DHX29: variants seen among roughly 807,000 people sequenced by gnomAD.
DHX29 encodes ATP-dependent RNA helicase DHX29.
DHX29 carries 79 observed loss-of-function variants against 167.9 expected under a neutral mutation model. The observed-to-expected ratio is 0.47, with a 90% confidence interval of 0.39 to 0.57. The LOEUF (loss-of-function observed/expected upper bound fraction) is 0.57, where lower values mean the gene tolerates loss of function less well. DHX29 is among the 20% of genes least tolerant of loss of function. The pLI is 0.00. For missense variants in DHX29, 1,347 were observed against 1,593.4 expected, an observed-to-expected ratio of 0.85 and a Z score of 2.63; for synonymous variants, 530 against 546.0, an observed-to-expected ratio of 0.97 and a Z score of 0.41.
At chr5:55,287,994 T>C (rs1446118611) in intron 8 of DHX29, among the ~76,000 whole-genome samples, 1 of 149,522 alleles carries the variant, frequency 6.7e-6, no homozygotes, top group Non-Finnish European at 1.5e-5. Flanking sequence ...CTCACGCCTG[T>C]AATCCCCAGA....
intron 1 of DHX29, among the ~76,000 whole-genome samples, chr5:55,306,869 G>C (rs776450549): frequency 6.6e-6 from 1 of 152,176 alleles, no homozygotes; most frequent in East Asian, 1.9e-4. Flanking sequence ...AACGAGGGCA[G>C]ACAATTTTAC....
chr5:55,289,426 T>C lies in DHX29; in HGVS notation c.910A>G (p.Met304Val), dbSNP rs952316586. Residue 304 changes from methionine to valine, a missense_variant and splice_region_variant, in exon 8 of 27, where the codon ATG becomes GTG. By Grantham distance (21) the Met-to-Val change is conservative (BLOSUM62 1). This residue lies in a region of DHX29 where 405 missense variants were observed against 416.8 expected (regional missense o/e 0.97). Transcript: ENST00000251636. ...QEKIRKFQREMETLEDHPVFN... is the reference protein window; with the variant it reads ...QEKIRKFQREVETLEDHPVFN... ...ACTGGATGGTCTTCTAAAGTTTCCATTTCTACCAAGAAAAAAATATAATGT... is the reference window on the plus strand; with the variant it reads ...ACTGGATGGTCTTCTAAAGTTTCCACTTCTACCAAGAAAAAAATATAATGT... The C allele has an allele frequency of 2.0e-6, 3 of 1,526,114 alleles. No homozygotes were observed. In the African/African-American group the frequency reaches 4.3e-5, roughly 22 times the overall value. The allele number at this position is 1,526,114 out of a possible 1,614,324, so 94.5% of individuals were successfully genotyped here. A position where few individuals can be genotyped will look rare whatever the true frequency, so the allele number is the denominator to read the frequency against.
intron 23 of DHX29, among the ~76,000 whole-genome samples, chr5:55,263,379 A>C (rs1746401701): frequency 6.6e-6 from 1 of 152,170 alleles, no homozygotes; most frequent in Non-Finnish European, 1.5e-5. Context: ...CTTTGAAAGA[A>C]TTTATTAATG....
At chr5:55,301,501 G>C (rs1203872487) in intron 1 of DHX29, among the ~76,000 whole-genome samples, 3 of 151,852 alleles carry the variant, frequency 2.0e-5, no homozygotes, top group Non-Finnish European at 4.4e-5. Context: ...ATCACCTGAG[G>C]TCAGGAGTTC....
At chr5:55,307,260 T>G in intron 1 of DHX29, 127 bp downstream of exon 1, 6 of 782,842 alleles carry the variant, frequency 7.7e-6, no homozygotes, top group Non-Finnish European at 1.2e-5. Flanking sequence ...CATGGGGAGG[T>G]AGCAGCTCGA....
At chr5:55,279,830 C>T (rs765008390) in intron 12 of DHX29, among the ~76,000 whole-genome samples, 6 of 151,266 alleles carry the variant, frequency 4.0e-5, no homozygotes, top group Non-Finnish European at 8.8e-5. Context: ...CTTCAGCCTG[C>T]CAAATTGCTG....
chr5:55,256,516 G>A lies in DHX29; in HGVS notation c.4082C>T (p.Thr1361Met), dbSNP rs752689422. The change falls in exon 27 of 27, where the codon ACG (threonine) becomes ATG (methionine). Residue 1361 changes from threonine (T) to methionine (M), a missense_variant. By Grantham distance (81) the Thr-to-Met change is moderately conservative. Around this residue, in one of 3 missense-constraint regions of DHX29, gnomAD observed 882 missense variants for 1,082.4 expected, o/e 0.81. Transcript: ENST00000251636. ...LENDKILQII[T>M]ELIKTENN ...GTTATTCTCTGTTTTTATCAATTCC[G>A]TAATGATCTGCAGAATCTTGTCATC... 68 of 1,590,854 alleles carry A rather than the reference G, an allele frequency of 4.3e-5. No homozygotes were observed. The highest frequency in any genetic ancestry group is 1.4e-4 in the East Asian group (6 of 44,024).
intron 6 of DHX29, among the ~76,000 whole-genome samples, chr5:55,293,443 C>T (rs1748149833): frequency 6.6e-6 from 1 of 152,186 alleles, no homozygotes; most frequent in African/African-American, 2.4e-5. Flanking sequence ...TTCCTCCCAA[C>T]ATTTAGTATT....
intron 12 of DHX29, 60 bp downstream of exon 12, chr5:55,281,311 TA>T: frequency 7.2e-7 from 1 of 1,382,132 alleles, no homozygotes; most frequent in Non-Finnish European, 9.5e-7. Flanking sequence ...GTATTAGGAG[TA>T]ACATCTTTTT....
intron 12 of DHX29, among the ~76,000 whole-genome samples, chr5:55,280,719 G>A (rs889754039): frequency 2.0e-5 from 3 of 152,126 alleles, no homozygotes; most frequent in African/African-American, 7.2e-5. Context: ...AGCACATTCA[G>A]CATTCATCAT....
rs532899408 is a variant in DHX29, at chr5:55,299,909, G to C, written c.188-1245C>G. On this transcript the variant is annotated intron_variant, in intron 1 of 26. Coordinates refer to ENST00000251636, the MANE Select transcript of DHX29 (RefSeq NM_019030.4). The stretch of plus-strand genomic sequence containing the variant: ...TGTCTAGTCTCAGTCCTTTAACAAT[G>C]AGTAACCAGGAAACAACACACATTA... Among the ~76,000 whole-genome samples, 4 of 152,238 alleles carry C rather than the reference G, an allele frequency of 2.6e-5. No individual in the cohort carries two copies. The East Asian group carries it at 7.7e-4, about 29-fold the overall frequency.
At chr5:55,290,478 A>G (rs1397239079) in intron 6 of DHX29, 134 bp from the exon 7 acceptor site, 1 of 1,110,262 alleles carries the variant, frequency 9.0e-7, no homozygotes, top group East Asian at 2.6e-5. Flanking sequence ...ACTTTTAGGA[A>G]TTTTTCATAG....
At chr5:55,281,831 G>A (rs2111885587) in intron 11 of DHX29, among the ~76,000 whole-genome samples, 1 of 150,090 alleles carries the variant, frequency 6.7e-6, no homozygotes, top group Non-Finnish European at 1.5e-5. Flanking sequence ...TATTGCCCAG[G>A]CTGGAGTGCA....
intron 26 of DHX29, among the ~76,000 whole-genome samples, chr5:55,257,132 C>G (rs1746092598): frequency 6.6e-6 from 1 of 152,190 alleles, no homozygotes; most frequent in East Asian, 1.9e-4. Context: ...AACAGAGCAA[C>G]AGAGGCTGCA....
At chr5:55,296,777 A>AT (rs200193821) in intron 3 of DHX29, among the ~76,000 whole-genome samples, 2,685 of 149,648 alleles carry the variant, frequency 0.018, 30 homozygotes, top group Middle Eastern at 0.048. Context: ...CTTAGGACAT[A>AT]TTTTTTTTTT....
Position 55,294,689 on chromosome 5 carries a change from CA to C in DHX29, c.652-545del, listed in dbSNP as rs752073901. ...GCAAGACTCTGTCTCAAAAAAACAACAACAAAAAAACTAGTGTTATTCCTTA... is the reference window on the plus strand; with the variant it reads ...GCAAGACTCTGTCTCAAAAAAACAACACAAAAAAACTAGTGTTATTCCTTA... On this transcript the variant is annotated intron_variant, in intron 5 of 26. Coordinates refer to ENST00000251636, the MANE Select transcript of DHX29 (RefSeq NM_019030.4). 1.2e-3 allele frequency among the ~76,000 whole-genome samples: 190 copies of C among 152,120 alleles called. 1 individual carries two copies. Among genetic ancestry groups the C allele is most frequent in the Non-Finnish European group, 4.9e-4 (33 of 67,972 alleles).
chr5:55,307,479 A>G lies in DHX29; in HGVS notation c.95T>C (p.Ile32Thr), dbSNP rs147470362. 2.8e-5 allele frequency: 45 copies of G among 1,613,580 alleles called. No individual in the cohort carries two copies. The highest frequency in any genetic ancestry group is 3.7e-5 in the Non-Finnish European group (44 of 1,179,968). Residue 32 changes from isoleucine to threonine, a missense_variant, in exon 1 of 27, where the codon ATT becomes ACT. This residue lies in a region of DHX29 where 405 missense variants were observed against 416.8 expected (regional missense o/e 0.97). Coordinates refer to ENST00000251636, the MANE Select transcript of DHX29 (RefSeq NM_019030.4). The part of the protein sequence containing the change: ...ASRAKSAEAG[I>T]AGEAQSKKPV... ...CTTCTTGCTTTGGGCCTCCCCGGCA[A>G]TTCCAGCCTCGGCAGATTTGGCTCT...
intron 16 of DHX29, 85 bp downstream of exon 16, chr5:55,274,529 T>C (rs1747010104): frequency 9.8e-7 from 1 of 1,024,494 alleles, no homozygotes; most frequent in African/African-American, 1.7e-5. Flanking sequence ...TGAAAAGACT[T>C]TGAAAACTCT....
intron 8 of DHX29, among the ~76,000 whole-genome samples, chr5:55,288,172 G>A (rs1747842964): frequency 6.6e-6 from 1 of 151,986 alleles, no homozygotes; most frequent in African/African-American, 2.4e-5. Flanking sequence ...GAACCCGGGA[G>A]ATGGAGGTTG....
Sources: allele counts gnomAD v4.1 joint callset (sites outside exome capture counted in the v4.1 genomes callset), GRCh38; gene constraint gnomAD v4.1.1; regional missense constraint gnomAD v4.1.1; transcripts MANE v1.5; gene names NCBI Gene and HGNC (gene_info 2026-07-23, HGNC 2026-07-21).